VPS39: variants seen among roughly 807,000 people sequenced by gnomAD.
VPS39 encodes the protein VPS39 subunit of HOPS complex.
A neutral mutation model predicts 121.0 loss-of-function variants in VPS39; 70 were observed. That is an observed-to-expected ratio of 0.58 (90% CI 0.48 to 0.71). The LOEUF (loss-of-function observed/expected upper bound fraction) is 0.71, where lower values mean the gene tolerates loss of function less well. Ranked by LOEUF, VPS39 falls within the 30% of genes least tolerant of loss-of-function variation. The pLI is 0.00. For synonymous variants in VPS39, 378 were observed against 398.1 expected (o/e 0.95, Z 0.60); for missense variants, 818 against 1,051.5 (o/e 0.78, Z 3.07).
chr15:42,205,933 G>T (rs1426090069), intron 1 of VPS39, among the ~76,000 whole-genome samples: 2 of 152,142 alleles, frequency 1.3e-5, no homozygotes, highest in Non-Finnish European at 1.5e-5. Context: ...AGTCAAGAAC[G>T]ATTCCAAAGC....
At chr15:42,165,193 G>C (rs2049218091) in intron 17 of VPS39, 80 bp from the exon 18 acceptor site, 3 of 1,344,948 alleles carry the variant, frequency 2.2e-6, no homozygotes, top group African/African-American at 2.9e-5. Context: ...CATTTTTAAG[G>C]CCCAACAGGT....
chr15:42,160,879 C>A (rs190750117), intron 24 of VPS39, 50 bp from the exon 25 acceptor site: 78 of 1,591,226 alleles, frequency 4.9e-5, no homozygotes, highest in Admixed American at 3.7e-4. Flanking sequence ...TAAGTGACCA[C>A]TTCTCTGGCA....
chr15:42,181,975 A>C (rs774775855), intron 8 of VPS39, among the ~76,000 whole-genome samples: 6 of 152,200 alleles, frequency 3.9e-5, no homozygotes, highest in Non-Finnish European at 8.8e-5. Context: ...CAGCCTCCCA[A>C]TGTGCTGGGA....
At chr15:42,192,827 G>A (rs765440000) in intron 2 of VPS39, among the ~76,000 whole-genome samples, 4 of 151,908 alleles carry the variant, frequency 2.6e-5, no homozygotes, top group African/African-American at 7.2e-5. Flanking sequence ...TGCCCAGGCC[G>A]GAGTGCAGTA....
intron 1 of VPS39, among the ~76,000 whole-genome samples, chr15:42,201,395 C>T (rs769706555): frequency 1.3e-5 from 2 of 152,190 alleles, no homozygotes; most frequent in Non-Finnish European, 1.5e-5. Flanking sequence ...CCAATCTGGT[C>T]TCCAACTCTT....
chr15:42,187,739 C>A lies in VPS39; in HGVS notation c.441+19G>T, dbSNP rs763387370. 6.2e-7 allele frequency: 1 copy of A among 1,613,414 alleles called. No individual in the cohort carries two copies. The highest frequency in any genetic ancestry group is 8.5e-7 in the Non-Finnish European group (1 of 1,179,342). ...CAGCAGCTCCCACCCAACCATGGACCAAGGAACAGTGGACTTACCTGCAAT... is the reference window on the plus strand; with the variant it reads ...CAGCAGCTCCCACCCAACCATGGACAAAGGAACAGTGGACTTACCTGCAAT... On this transcript the variant is annotated intron_variant, in intron 6 of 24. Coordinates refer to ENST00000318006, the MANE Select transcript of VPS39 (RefSeq NM_015289.5).
In VPS39 at chr15:42,166,886, G is replaced by C; in HGVS notation, c.1405C>G (p.Leu469Val). ...HTNVALVAPL[L>V]RLENNHCHIE... is the part of the protein sequence containing the mutation. ...TGGCAGTGATTGTTCTCCAGGCGTA[G>C]CAAGGGGGCCACCAGGGCCACATTT... Residue 469 changes from leucine to valine, a missense_variant, in exon 14 of 25, where the codon CTA (leucine) becomes GTA (valine). Leu to Val is a conservative substitution (Grantham distance 32, BLOSUM62 1). Coordinates refer to ENST00000318006, the MANE Select transcript of VPS39 (RefSeq NM_015289.5). 6.2e-7 allele frequency: 1 copy of C among 1,614,234 alleles called. No individual in the cohort carries two copies. Among genetic ancestry groups the C allele is most frequent in the East Asian group, 2.2e-5 (1 of 44,886 alleles).
intron 11 of VPS39, among the ~76,000 whole-genome samples, chr15:42,171,260 G>A (rs666511): frequency 0.11 from 16,888 of 152,214 alleles, 1,253 homozygotes; most frequent in Non-Finnish European, 0.15. Flanking sequence ...TGAAAATCTG[G>A]TTCCACCCAG....
chr15:42,170,873 AG>A (rs2049335259), intron 11 of VPS39, among the ~76,000 whole-genome samples: 1 of 149,848 alleles, frequency 6.7e-6, no homozygotes, highest in Non-Finnish European at 1.5e-5. Flanking sequence ...CTGGGACTAC[AG>A]GCATGTACTA....
At position 42,182,083 on chromosome 15, in the gene VPS39, A is replaced by G. The variant is rs556135300; in HGVS notation, c.718+2434T>C. 2.0e-5 allele frequency among the ~76,000 whole-genome samples: 3 copies of G among 152,380 alleles called. No individual in the cohort carries two copies. In the South Asian group the frequency reaches 6.2e-4, roughly 32 times the overall value. On this transcript the variant is annotated intron_variant, in intron 8 of 24. Coordinates refer to ENST00000318006, the MANE Select transcript of VPS39 (RefSeq NM_015289.5). ...ATTTATACTATCAATGAATAGTACAATAAAATTTCAAAGCTATGAGGGAAC... is the reference window on the plus strand; with the variant it reads ...ATTTATACTATCAATGAATAGTACAGTAAAATTTCAAAGCTATGAGGGAAC...
intron 1 of VPS39, among the ~76,000 whole-genome samples, chr15:42,202,468 A>T (rs537569492): frequency 1.3e-5 from 2 of 152,382 alleles, no homozygotes; most frequent in South Asian, 4.1e-4. Flanking sequence ...CTTTATAGAT[A>T]TCATGATATC....
chr15:42,194,734 A>C (rs532798860), intron 2 of VPS39, among the ~76,000 whole-genome samples: 2 of 152,228 alleles, frequency 1.3e-5, no homozygotes, highest in African/African-American at 4.8e-5. Context: ...CCATCTCAAA[A>C]AAACAAACAA....
chr15:42,201,332 C>T (rs116541575), intron 1 of VPS39, among the ~76,000 whole-genome samples: 1,573 of 152,182 alleles, frequency 0.01, 32 homozygotes, highest in African/African-American at 0.037. Context: ...TGCACCACCA[C>T]GTTCAGCTAT....
intron 2 of VPS39, among the ~76,000 whole-genome samples, chr15:42,192,784 T>C (rs930327756): frequency 1.4e-5 from 2 of 145,810 alleles, no homozygotes; most frequent in African/African-American, 5.3e-5. Flanking sequence ...TTTGTTTTGT[T>C]TTGTTTTTTT....
intron 4 of VPS39, 129 bp downstream of exon 4, chr15:42,190,996 C>T: frequency 1.0e-6 from 1 of 995,968 alleles, no homozygotes; most frequent in African/African-American, 1.6e-5. Flanking sequence ...ACCATGTACC[C>T]TGTTATACCA....
chr15:42,177,252 G>T (rs9921033), intron 10 of VPS39, among the ~76,000 whole-genome samples: 1 of 144,420 alleles, frequency 6.9e-6, no homozygotes, highest in African/African-American at 2.6e-5. Context: ...GTTAGGCTCA[G>T]AATGACTTTT....
intron 8 of VPS39, among the ~76,000 whole-genome samples, chr15:42,182,949 G>C (rs368517695): frequency 6.6e-6 from 1 of 152,066 alleles, no homozygotes. Context: ...CTAGAACATC[G>C]GGAAAGCCTC....
At position 42,199,986 on chromosome 15, in the gene VPS39, A is replaced by C. The variant is rs531204300; in HGVS notation, c.74-25T>G. On this transcript the variant is annotated intron_variant, in intron 1 of 24. Coordinates refer to ENST00000318006, the MANE Select transcript of VPS39 (RefSeq NM_015289.5). ...TCTGGAAAAACAAAACAAAACAAAA[A>C]CAAAAACAAAAAAAAACCAGCTTTG... The C allele has an allele frequency of 1.5e-4, 226 of 1,532,288 alleles. 1 individual carries two copies. The African/African-American group carries it at 2.1e-3, about 14-fold the overall frequency. The allele number at this position is 1,532,288 out of a possible 1,614,324, so 94.9% of individuals were successfully genotyped here. A position where few individuals can be genotyped will look rare whatever the true frequency, so the allele number is the denominator to read the frequency against.
rs891488349 is a variant in VPS39, at chr15:42,160,329, G to C, written c.*425C>G. The C allele has an allele frequency of 2.2e-5, 4 of 177,886 alleles. No homozygotes were observed. Among genetic ancestry groups the C allele is most frequent in the Admixed American group, 1.1e-4 (2 of 18,150 alleles). 11.0% of individuals were successfully genotyped at this position (177,886 alleles called of 1,614,324 possible). On this transcript the variant is annotated 3_prime_UTR_variant, in exon 25 of 25. Coordinates refer to ENST00000318006, the MANE Select transcript of VPS39 (RefSeq NM_015289.5). ...CCATGCGGCCAGAAGCTTGAGTGCT[G>C]TTCTCTCATGGAACTCTCCAGTGAG...
Sources: gnomAD v4.1 joint callset for allele counts (sites outside exome capture counted in the v4.1 genomes callset) on GRCh38, gnomAD v4.1.1 for gene constraint, MANE v1.5 for transcripts, NCBI Gene and HGNC (gene_info 2026-07-23, HGNC 2026-07-21) for gene names.